Variants in ZNF423 observed in about 807,000 individuals in gnomAD.
ZNF423 encodes Ebf-associated zinc finger protein.
In ZNF423, 12 loss-of-function variants were observed where a neutral mutation model predicts 95.8. The observed-to-expected ratio is 0.13, with a 90% confidence interval of 0.08 to 0.20. The LOEUF is 0.20. Among genes scored for constraint, ZNF423 ranks in the 10% least tolerant of loss-of-function variants. The probability of loss-of-function intolerance (pLI) is 1.00; values close to 1 mark genes in which losing one functional copy is unlikely to be tolerated. For synonymous variants in ZNF423, 749 were observed against 711.9 expected (o/e 1.05, Z -0.83); for missense variants, 1,316 against 1,737.1 (o/e 0.76, Z 4.31).
upstream of ZNF423, among the ~76,000 whole-genome samples, chr16:49,858,968 G>A (rs1189829984): frequency 1.3e-5 from 2 of 152,232 alleles, no homozygotes; most frequent in African/African-American, 4.8e-5. This position sits in a 1 kb window ranked among gnomAD's most constrained non-coding sequence, Gnocchi z 4.3. Context: ...CCCCCGCCGC[G>A]GGCTGCCTCT....
rs572745094 is a variant in ZNF423, at chr16:49,734,429, G to T, written c.101-3458C>A. Among the ~76,000 whole-genome samples, 6 of 152,334 alleles carry T rather than the reference G, an allele frequency of 3.9e-5. No individual in the cohort carries two copies. In the South Asian group the frequency reaches 1.2e-3, roughly 32 times the overall value. On this transcript the variant is annotated intron_variant, in intron 2 of 7. Transcript: ENST00000563137. The stretch of plus-strand genomic sequence containing the variant: ...CCTGGGCTAGAACTGCAGCTCACTG[G>T]TTCCTCCAATCACCCCAGAGCCCAG...
intron 1 of ZNF423, among the ~76,000 whole-genome samples, chr16:49,823,036 C>T (rs957319186): frequency 1.3e-5 from 2 of 152,206 alleles, no homozygotes; most frequent in Non-Finnish European, 2.9e-5. Flanking sequence ...TTCAGACCAC[C>T]CTGGTGACTA....
intron 1 of ZNF423, among the ~76,000 whole-genome samples, chr16:49,806,078 A>G (rs568943031): frequency 4.6e-5 from 7 of 152,362 alleles, no homozygotes; most frequent in African/African-American, 1.4e-4. Context: ...TCATCTCTGC[A>G]TGGTCTCGTT....
intron 5 of ZNF423, among the ~76,000 whole-genome samples, chr16:49,542,700 C>T (rs1969296341): frequency 1.3e-5 from 2 of 152,218 alleles, no homozygotes; most frequent in African/African-American, 2.4e-5. Context: ...TGGCTGGGTG[C>T]AGGCTGGGCC....
At chr16:49,728,879 T>C (rs546739013) in intron 3 of ZNF423, among the ~76,000 whole-genome samples, 1 of 152,314 alleles carries the variant, frequency 6.6e-6, no homozygotes, top group South Asian at 2.1e-4. Flanking sequence ...ACTACAGGCA[T>C]GTGCCATCAC....
At chr16:49,742,025 A>G (rs1238562227) in intron 2 of ZNF423, among the ~76,000 whole-genome samples, 1 of 152,234 alleles carries the variant, frequency 6.6e-6, no homozygotes, top group African/African-American at 2.4e-5. Flanking sequence ...CACATCTTCA[A>G]TCAGTCAACA....
In ZNF423 at chr16:49,851,109, G is replaced by A. The variant is rs573718689; in HGVS notation, c.40+4626C>T. 1.2e-4 allele frequency among the ~76,000 whole-genome samples: 19 copies of A among 152,318 alleles called. No individual in the cohort carries two copies. The South Asian group carries it at 3.5e-3, about 28-fold the overall frequency. ...CAGGGAAAGCACTCTCAGCATCTGC[G>A]GCAGAAAAGGATGTTTTTACTTTTC... On this transcript the variant is annotated intron_variant, in intron 1 of 7. Coordinates refer to ENST00000563137, the MANE Select transcript of ZNF423 (RefSeq NM_001379286.1).
chr16:49,793,065 G>A (rs1300108821), intron 1 of ZNF423, among the ~76,000 whole-genome samples: 1 of 152,078 alleles, frequency 6.6e-6, no homozygotes, highest in Non-Finnish European at 1.5e-5. Flanking sequence ...ACCACGCCTG[G>A]TTTTTATACA....
At chr16:49,672,409 T>TC (rs2030852820) in intron 3 of ZNF423, among the ~76,000 whole-genome samples, 1 of 152,064 alleles carries the variant, frequency 6.6e-6, no homozygotes, top group African/African-American at 2.4e-5. Flanking sequence ...AGAAATAATT[T>TC]CCCCATAGTC....
At chr16:49,745,569 CCTGA>C (rs1229068149) in intron 2 of ZNF423, among the ~76,000 whole-genome samples, 1 of 152,218 alleles carries the variant, frequency 6.6e-6, no homozygotes, top group African/African-American at 2.4e-5. Context: ...CAAACTCGTA[CCTGA>C]CTGTCTATTG....
intron 2 of ZNF423, among the ~76,000 whole-genome samples, chr16:49,735,261 G>A (rs574931415): frequency 1.3e-5 from 2 of 152,148 alleles, no homozygotes; most frequent in African/African-American, 2.4e-5. Flanking sequence ...GAAGATTTCC[G>A]TTAAGTCTTC....
intron 2 of ZNF423, among the ~76,000 whole-genome samples, chr16:49,747,422 T>C (rs2033548728): frequency 6.6e-6 from 1 of 152,140 alleles, no homozygotes; most frequent in Non-Finnish European, 1.5e-5. Context: ...TTAAATACCA[T>C]TTATATGTAT....
At chr16:49,858,835 G>A (rs1448481634), upstream of ZNF423, among the ~76,000 whole-genome samples, 1 of 152,160 alleles carries the variant, frequency 6.6e-6, no homozygotes, top group Non-Finnish European at 1.5e-5. The surrounding 1 kb of genome is among the most constrained non-coding windows in gnomAD (Gnocchi z 4.3). Context: ...CAGGAAGGAG[G>A]GGCAGAATCA....
intron 1 of ZNF423, among the ~76,000 whole-genome samples, chr16:49,817,818 C>T (rs1243237437): frequency 6.6e-6 from 1 of 152,074 alleles, no homozygotes; most frequent in Admixed American, 6.5e-5. Flanking sequence ...ATGAGTGTGT[C>T]GCAAGGTGTG....
At chr16:49,836,790 A>G (rs2035124913) in intron 1 of ZNF423, among the ~76,000 whole-genome samples, 1 of 152,096 alleles carries the variant, frequency 6.6e-6, no homozygotes, top group Non-Finnish European at 1.5e-5. Flanking sequence ...CCACAAGAGC[A>G]GGCTTGGAAC....
chr16:49,585,324 C>A (rs1258770630), intron 5 of ZNF423, among the ~76,000 whole-genome samples: 1 of 152,130 alleles, frequency 6.6e-6, no homozygotes, highest in Non-Finnish European at 1.5e-5. Context: ...CTCTCAGCCC[C>A]CTGAGGAGCA....
chr16:49,814,859 G>A (rs915064630), intron 1 of ZNF423, among the ~76,000 whole-genome samples: 1 of 152,140 alleles, frequency 6.6e-6, no homozygotes, highest in Non-Finnish European at 1.5e-5. Context: ...CCCACCCCAG[G>A]AGTGTGGATG....
At chr16:49,607,173 G>A (rs1971566118) in intron 5 of ZNF423, among the ~76,000 whole-genome samples, 1 of 151,550 alleles carries the variant, frequency 6.6e-6, no homozygotes, top group East Asian at 1.9e-4. Context: ...TTCCTTTAAG[G>A]AAGCAGGCCT....
chr16:49,499,916 AC>A (rs1967328105), intron 7 of ZNF423, among the ~76,000 whole-genome samples: 1 of 152,156 alleles, frequency 6.6e-6, no homozygotes, highest in South Asian at 2.1e-4. Flanking sequence ...ATTCAGAGTC[AC>A]CCAACAAAAC....
Sources: allele counts gnomAD v4.1 joint callset (sites outside exome capture counted in the v4.1 genomes callset), GRCh38; gene constraint gnomAD v4.1.1; non-coding constraint Gnocchi (gnomAD v3.1); transcripts MANE v1.5; gene names NCBI Gene and HGNC (gene_info 2026-07-23, HGNC 2026-07-21).